Variants in RAB38 observed in about 807,000 individuals in gnomAD.
RAB38 encodes ras-related protein Rab-38.
RAB38 carries 15 observed loss-of-function variants against 18.4 expected under a neutral mutation model. The observed-to-expected ratio is 0.82, with a 90% CI of 0.55 to 1.26. The LOEUF (loss-of-function observed/expected upper bound fraction) is 1.26. Ranked by LOEUF, RAB38 falls within the 50% of genes most tolerant of loss-of-function variation. RAB38 has a pLI of 0.00. For missense variants in RAB38, 294 were observed against 267.4 expected (o/e 1.10, Z -0.69); for synonymous variants, 101 against 104.4 (o/e 0.97, Z 0.20).
At chr11:88,165,385 A>C (rs1005077558) in intron 1 of RAB38, among the ~76,000 whole-genome samples, 12 of 152,142 alleles carry the variant, frequency 7.9e-5, no homozygotes, top group Admixed American at 7.2e-4. Flanking sequence ...TAGGGTTAAT[A>C]ACAGTGTCCA....
the RAB38 span, among the ~76,000 whole-genome samples, chr11:88,090,880 T>C: frequency 2.0e-5 from 3 of 151,902 alleles, no homozygotes. Flanking sequence ...TAGGTCCATA[T>C]AACAACATGA....
chr11:87,908,040 C>T, the RAB38 span, among the ~76,000 whole-genome samples: 1 of 151,750 alleles, frequency 6.6e-6, no homozygotes, highest in Admixed American at 6.6e-5. Context: ...TTTTTCTTCT[C>T]TCCTTTTAAG....
At chr11:87,814,802 C>T in the RAB38 span, among the ~76,000 whole-genome samples, 2 of 151,196 alleles carry the variant, frequency 1.3e-5, no homozygotes, top group South Asian at 2.1e-4. Context: ...GGCACTATCT[C>T]GGCTCACCGC....
the RAB38 span, among the ~76,000 whole-genome samples, chr11:87,837,100 G>C: frequency 6.6e-6 from 1 of 152,280 alleles, no homozygotes; most frequent in South Asian, 2.1e-4. Context: ...GCTTATAATA[G>C]CCAAGTGACC....
the RAB38 span, among the ~76,000 whole-genome samples, chr11:87,955,831 T>C: frequency 1.3e-5 from 2 of 151,390 alleles, no homozygotes; most frequent in African/African-American, 4.9e-5. Context: ...TCATAACTCA[T>C]TAGTGAGTGA....
At chr11:87,950,300 T>G in the RAB38 span, among the ~76,000 whole-genome samples, 7 of 152,274 alleles carry the variant, frequency 4.6e-5, no homozygotes, top group African/African-American at 1.7e-4. Flanking sequence ...TGAGATGGGT[T>G]TCCTGAATAC....
chr11:87,892,601 A>C, the RAB38 span, among the ~76,000 whole-genome samples: 1 of 151,848 alleles, frequency 6.6e-6, no homozygotes, highest in South Asian at 2.1e-4. Flanking sequence ...GCCCTTTTCT[A>C]CTTCAGCTCC....
the RAB38 span, among the ~76,000 whole-genome samples, chr11:88,031,188 C>A: frequency 2.0e-5 from 3 of 152,138 alleles, no homozygotes; most frequent in Non-Finnish European, 2.9e-5. Flanking sequence ...ACGCTTCATG[C>A]TAAAAACTCT....
intron 2 of RAB38, among the ~76,000 whole-genome samples, chr11:88,147,591 T>C (rs302663): frequency 0.29 from 41,875 of 145,322 alleles, 6,505 homozygotes; most frequent in Middle Eastern, 0.35. Flanking sequence ...AAAAAACAGC[T>C]AACATTCAAA....
At chr11:87,805,384 G>T in the RAB38 span, among the ~76,000 whole-genome samples, 5 of 151,250 alleles carry the variant, frequency 3.3e-5, no homozygotes, top group African/African-American at 9.8e-5. Flanking sequence ...CATGTTAGAA[G>T]ATATTATCTA....
the RAB38 span, among the ~76,000 whole-genome samples, chr11:88,006,272 G>T: frequency 6.6e-6 from 1 of 151,488 alleles, no homozygotes; most frequent in Non-Finnish European, 1.5e-5. Flanking sequence ...ATCGAAAGAT[G>T]ACAAGTGTTA....
At chr11:88,013,424 A>T in the RAB38 span, among the ~76,000 whole-genome samples, 1 of 152,188 alleles carries the variant, frequency 6.6e-6, no homozygotes, top group East Asian at 1.9e-4. Flanking sequence ...ATGTGACTTC[A>T]TGATTGCTTT....
chr11:88,088,855 G>A, the RAB38 span, among the ~76,000 whole-genome samples: 1 of 151,708 alleles, frequency 6.6e-6, no homozygotes, highest in South Asian at 2.1e-4. Context: ...GATATATCGG[G>A]GAAAATATGT....
chr11:87,873,904 A>G, the RAB38 span, among the ~76,000 whole-genome samples: 110,522 of 123,992 alleles, frequency 0.89, 49,054 homozygotes, highest in Non-Finnish European at 0.91. Flanking sequence ...ATATATATAT[A>G]TATATGTGTG....
chr11:87,857,888 T>C, the RAB38 span, among the ~76,000 whole-genome samples: 20 of 152,352 alleles, frequency 1.3e-4, no homozygotes, highest in South Asian at 3.7e-3. Flanking sequence ...TTTGTCAATT[T>C]TGGCTTTTGT....
chr11:88,088,968 A>T, the RAB38 span, among the ~76,000 whole-genome samples: 2 of 151,728 alleles, frequency 1.3e-5, no homozygotes, highest in Non-Finnish European at 2.9e-5. Flanking sequence ...GAGCTAAAGG[A>T]TAGACACATC....
the RAB38 span, among the ~76,000 whole-genome samples, chr11:88,026,934 A>C: frequency 1.3e-5 from 2 of 152,162 alleles, no homozygotes; most frequent in Non-Finnish European, 2.9e-5. Context: ...ATTTTACATA[A>C]TTGGCCTGGA....
chr11:88,031,315 G>C, the RAB38 span, among the ~76,000 whole-genome samples: 1,619 of 149,204 alleles, frequency 0.011, 29 homozygotes, highest in African/African-American at 0.038. Context: ...TTGAAAACTG[G>C]CACAAGACAG....
chr11:87,956,911 G>A, the RAB38 span, among the ~76,000 whole-genome samples: 7 of 151,460 alleles, frequency 4.6e-5, no homozygotes, highest in Non-Finnish European at 8.8e-5. Context: ...GTTTCACCCT[G>A]TTTTTTGTAC....
Sources: allele counts gnomAD v4.1 joint callset (sites outside exome capture counted in the v4.1 genomes callset), GRCh38; gene constraint gnomAD v4.1.1; transcripts MANE v1.5; gene names NCBI Gene and HGNC (gene_info 2026-07-23, HGNC 2026-07-21).